HIPK2: variants seen among roughly 807,000 people sequenced by gnomAD.
The protein encoded by HIPK2 is homeodomain-interacting protein kinase 2.
Under a neutral mutation model 113.7 loss-of-function variants are expected in HIPK2, and 27 were observed. The observed-to-expected ratio is 0.24, with a 90% CI of 0.17 to 0.33. The LOEUF is 0.33. HIPK2 is among the 10% of genes least tolerant of loss of function. HIPK2 has a pLI of 1.00. For synonymous variants in HIPK2, 631 were observed against 642.2 expected (o/e 0.98, Z 0.26); for missense variants, 1,257 against 1,588.0 (o/e 0.79, Z 3.54).
intron 1 of HIPK2, among the ~76,000 whole-genome samples, chr7:139,758,497 G>A (rs531455978): frequency 5.9e-5 from 9 of 152,018 alleles, no homozygotes; most frequent in Admixed American, 1.3e-4. Context: ...GCCCTGGCCC[G>A]GCCGCAGACT....
chr7:139,678,064 GTTGT>G lies in HIPK2; in HGVS notation c.1103+37864_1103+37867del, dbSNP rs569828958. On this transcript the variant is annotated intron_variant, in intron 2 of 14. Transcript: ENST00000406875. The stretch of plus-strand genomic sequence containing the variant: ...TATCCTTCGGCCACTTTTTGATGGG[GTTGT>G]TTGTTTTTTTCTTGTAAATTTGTTT... Among the ~76,000 whole-genome samples the G allele has an allele frequency of 8.7e-3, 1,320 of 152,250 alleles. 15 individuals are homozygous for G. Among genetic ancestry groups the G allele is most frequent in the Non-Finnish European group, 0.011 (718 of 68,012 alleles).
intron 2 of HIPK2, among the ~76,000 whole-genome samples, chr7:139,677,260 GACAC>G (rs71170909): frequency 9.8e-4 from 147 of 150,082 alleles, no homozygotes; most frequent in South Asian, 5.3e-3. Context: ...TATATATGGA[GACAC>G]ACACACACAC....
chr7:139,637,855 C>T (rs1800862925), intron 2 of HIPK2, among the ~76,000 whole-genome samples: 1 of 151,990 alleles, frequency 6.6e-6, no homozygotes, highest in Admixed American at 6.6e-5. Flanking sequence ...AGGATTTAGC[C>T]CAAGGAGGAG....
chr7:139,732,439 A>G (rs1228335047), intron 1 of HIPK2, among the ~76,000 whole-genome samples: 1 of 152,206 alleles, frequency 6.6e-6, no homozygotes, highest in Non-Finnish European at 1.5e-5. Context: ...TGGTTCTTGT[A>G]GCGGGGCGCC....
rs1353105992 is a variant in HIPK2, at chr7:139,716,356, T to C, written c.679A>G (p.Ile227Val). 6.8e-6 allele frequency: 11 copies of C among 1,614,078 alleles called. No individual in the cohort carries two copies. The highest frequency in any genetic ancestry group is 4.0e-5 in the African/African-American group (3 of 74,938). ...GATGGGTGGTTCTTCAGGATCTTGA[T>C]GGCTACGATCTCATTGGTGCCCCGT... is the stretch of plus-strand genomic sequence containing the variant. The part of the protein sequence containing the change: ...WKRGTNEIVA[I>V]KILKNHPSYA... Residue 227 changes from isoleucine to valine, a missense_variant, in exon 2 of 15, where the codon ATC (isoleucine) becomes GTC (valine). Ile to Val is a conservative substitution (Grantham distance 29). Transcript: ENST00000406875. This position sits in a 1 kb window ranked among gnomAD's most constrained non-coding sequence, Gnocchi z 9.3.
intron 2 of HIPK2, among the ~76,000 whole-genome samples, chr7:139,643,429 G>A (rs975284440): frequency 4.6e-5 from 7 of 151,418 alleles, no homozygotes; most frequent in South Asian, 4.2e-4. Flanking sequence ...CTGATCCTTC[G>A]TTCTTAGTCC....
intron 1 of HIPK2, among the ~76,000 whole-genome samples, chr7:139,755,755 A>G (rs1796351900): frequency 6.6e-6 from 1 of 152,320 alleles, no homozygotes; most frequent in African/African-American, 2.4e-5. Flanking sequence ...CGCAGGCCCC[A>G]TGGATGTCCA....
rs1390622863 is a variant in HIPK2, at chr7:139,571,783, T to C, written c.*1144A>G. The stretch of plus-strand genomic sequence containing the variant: ...GAAGTAAACCCTCACGCCGCGTCTG[T>C]CGCTCGGTAAGGCACTAGGAGGGAA... On this transcript the variant is annotated 3_prime_UTR_variant, in exon 15 of 15. Transcript: ENST00000406875. The C allele has an allele frequency of 6.6e-6, 1 of 152,230 alleles. No individual in the cohort carries two copies. The highest frequency in any genetic ancestry group is 1.5e-5 in the Non-Finnish European group (1 of 68,040). The allele number at this position is 152,230 out of a possible 1,614,324, so 9.4% of individuals were successfully genotyped here.
intron 1 of HIPK2, among the ~76,000 whole-genome samples, chr7:139,772,987 C>T (rs1359098298): frequency 2.0e-5 from 3 of 151,956 alleles, no homozygotes; most frequent in African/African-American, 7.3e-5. Context: ...GAATCAGACC[C>T]ATGGTCTAGT....
intron 2 of HIPK2, among the ~76,000 whole-genome samples, chr7:139,636,652 C>T (rs1006638239): frequency 2.6e-4 from 40 of 152,248 alleles, no homozygotes; most frequent in African/African-American, 9.1e-4. Flanking sequence ...CAGGAAGAGA[C>T]AAGGAAGGCT....
At chr7:139,740,832 T>C (rs1178181173) in intron 1 of HIPK2, among the ~76,000 whole-genome samples, 2 of 152,210 alleles carry the variant, frequency 1.3e-5, no homozygotes, top group African/African-American at 4.8e-5. Context: ...GTTTGGGCAC[T>C]GGACTAAATT....
Position 139,695,794 on chromosome 7 carries a change from C to CA in HIPK2, c.1103+20137dup, listed in dbSNP as rs1244714777. 3.9e-5 allele frequency among the ~76,000 whole-genome samples: 6 copies of CA among 152,350 alleles called. No individual in the cohort carries two copies. In the South Asian group the frequency reaches 1.2e-3, roughly 32 times the overall value. The stretch of plus-strand genomic sequence containing the variant: ...GCATGACTCAGGGATGAAATGGCTA[C>CA]AAAACCACAGTTCAGTGAAATCCTG... On this transcript the variant is annotated intron_variant, in intron 2 of 14. Transcript: ENST00000406875.
At chr7:139,776,362 G>T (rs1050913679) in intron 1 of HIPK2, among the ~76,000 whole-genome samples, 4 of 151,680 alleles carry the variant, frequency 2.6e-5, no homozygotes, top group Non-Finnish European at 4.4e-5. Context: ...ACTTTATTCC[G>T]GCCAGAAACC....
At chr7:139,690,417 G>A (rs1794368926) in intron 2 of HIPK2, among the ~76,000 whole-genome samples, 1 of 152,088 alleles carries the variant, frequency 6.6e-6, no homozygotes, top group Admixed American at 6.5e-5. Context: ...CTCCAGTGTT[G>A]GAGGTGGGAA....
At chr7:139,741,539 G>T (rs1796098477) in intron 1 of HIPK2, among the ~76,000 whole-genome samples, 1 of 152,220 alleles carries the variant, frequency 6.6e-6, no homozygotes, top group African/African-American at 2.4e-5. Flanking sequence ...GTTTGACGCG[G>T]TGGGGATGCA....
At chr7:139,749,542 A>C (rs563472473) in intron 1 of HIPK2, among the ~76,000 whole-genome samples, 2 of 152,226 alleles carry the variant, frequency 1.3e-5, no homozygotes. Context: ...TCAGGCTAAG[A>C]AAGCTCTCTG....
chr7:139,626,058 G>A (rs538497082), intron 6 of HIPK2, among the ~76,000 whole-genome samples: 11 of 151,588 alleles, frequency 7.3e-5, no homozygotes, highest in Non-Finnish European at 1.5e-4. Flanking sequence ...CCAACTGCAG[G>A]CCAGGGACCC....
intron 2 of HIPK2, among the ~76,000 whole-genome samples, chr7:139,711,890 G>T (rs1795079225): frequency 6.6e-6 from 1 of 152,234 alleles, no homozygotes; most frequent in Non-Finnish European, 1.5e-5. Flanking sequence ...ACACCTGAAA[G>T]GTGACACCAT....
At chr7:139,603,873 A>C (rs1228893699) in intron 10 of HIPK2, among the ~76,000 whole-genome samples, 1 of 152,324 alleles carries the variant, frequency 6.6e-6, no homozygotes, top group East Asian at 1.9e-4. Context: ...AATTAATGAA[A>C]CTGATTTTCT....
Sources: allele counts gnomAD v4.1 joint callset (sites outside exome capture counted in the v4.1 genomes callset), GRCh38; gene constraint gnomAD v4.1.1; non-coding constraint Gnocchi (gnomAD v3.1); transcripts MANE v1.5; gene names NCBI Gene and HGNC (gene_info 2026-07-23, HGNC 2026-07-21).